The following SARM1 variants were observed in gnomAD, a reference collection of about 807,000 sequenced individuals.
The protein encoded by SARM1 is sterile alpha and TIR motif containing 1, also known as NAD(+) hydrolase SARM1.
SARM1 carries 60 observed loss-of-function variants against 65.1 expected under a neutral mutation model. The observed-to-expected ratio is 0.92, with a 90% CI of 0.75 to 1.14. The LOEUF (loss-of-function observed/expected upper bound fraction) is 1.14. SARM1 is among the 50% of genes most tolerant of loss of function. SARM1 has a pLI of 0.00. For synonymous variants in SARM1, 417 were observed against 465.4 expected, an observed-to-expected ratio of 0.90 and a Z score of 1.34; for missense variants, 913 against 1,015.7, an observed-to-expected ratio of 0.90 and a Z score of 1.37.
intron 1 of SARM1, chr17:28,373,644 A>T (rs573510586): frequency 6.6e-6 from 1 of 152,214 alleles, no homozygotes; most frequent in African/African-American, 2.4e-5. Context: ...ATGAATTTGG[A>T]GGGGGTAGCA....
chr17:28,379,557 G>T (rs782001281), intron 1 of SARM1, among the ~76,000 whole-genome samples: 2 of 151,998 alleles, frequency 1.3e-5, no homozygotes, highest in Non-Finnish European at 1.5e-5. Context: ...TCATCCACCC[G>T]CCTCGGCCTC....
intron 7 of SARM1, 77 bp from the exon 8 acceptor site, chr17:28,395,828 C>A: frequency 1.3e-6 from 2 of 1,574,690 alleles, no homozygotes; most frequent in Non-Finnish European, 8.7e-7. Flanking sequence ...GGCCAGTGGG[C>A]CTCCCAGCAC....
At chr17:28,379,895 G>C (rs2068012015) in intron 1 of SARM1, among the ~76,000 whole-genome samples, 1 of 152,182 alleles carries the variant, frequency 6.6e-6, no homozygotes, top group South Asian at 2.1e-4. Context: ...TAATGAGTTA[G>C]AGCATCTCTT....
intron 7 of SARM1, among the ~76,000 whole-genome samples, chr17:28,393,497 G>A (rs2068091354): frequency 6.6e-6 from 1 of 151,880 alleles, no homozygotes; most frequent in South Asian, 2.1e-4. Flanking sequence ...GCTGCAGTGA[G>A]CCTTGATGGT....
chr17:28,374,984 A>C (rs1187703890), intron 1 of SARM1, among the ~76,000 whole-genome samples: 4 of 151,662 alleles, frequency 2.6e-5, no homozygotes, highest in Admixed American at 6.6e-5. Flanking sequence ...AAAAAAAAAA[A>C]AAAAAAAAAA....
intron 7 of SARM1, among the ~76,000 whole-genome samples, chr17:28,394,532 GCCCAGGCC>G (rs1454115522): frequency 1.3e-5 from 2 of 152,172 alleles, no homozygotes; most frequent in Non-Finnish European, 1.5e-5. Flanking sequence ...CAGTCACGAG[GCCCAGGCC>G]CCCAGGCTGC....
At position 28,396,342 on chromosome 17, in the gene SARM1, AG is replaced by A; in HGVS notation, c.*58del. 6.2e-7 allele frequency: 1 copy of A among 1,604,714 alleles called. No individual in the cohort carries two copies. Among genetic ancestry groups the A allele is most frequent in the South Asian group, 1.1e-5 (1 of 90,586 alleles). On this transcript the variant is annotated 3_prime_UTR_variant, in exon 9 of 9. Transcript: ENST00000585482. ...CTTCCATTTCCATCGTCCTTTCTGAAGGAACAGCTCCTGAAACCAGTCTCCC... is the reference window on the plus strand; with the variant it reads ...CTTCCATTTCCATCGTCCTTTCTGAAGAACAGCTCCTGAAACCAGTCTCCC...
intron 1 of SARM1, among the ~76,000 whole-genome samples, chr17:28,379,583 T>C (rs2068010470): frequency 6.6e-6 from 1 of 152,212 alleles, no homozygotes; most frequent in South Asian, 2.1e-4. Context: ...GTGCTGGGAT[T>C]ACAGGCGTGA....
Position 28,372,600 on chromosome 17 carries a change from A to C in SARM1, c.470+98A>C. ...CTTGCGCCGTGCCTTTGCCTCCCTC[A>C]CCTCTCTGACTGCCTGCACTACATC... is the stretch of plus-strand genomic sequence containing the variant. On this transcript the variant is annotated intron_variant, in intron 1 of 8. Coordinates refer to ENST00000585482, the MANE Select transcript of SARM1 (RefSeq NM_015077.4). This position sits in a 1 kb window ranked among gnomAD's most constrained non-coding sequence, Gnocchi z 5.2. The C allele has an allele frequency of 1.2e-6, 1 of 851,930 alleles. No homozygotes were observed. The highest frequency in any genetic ancestry group is 1.7e-6 in the Non-Finnish European group (1 of 576,838). 52.8% of individuals were successfully genotyped at this position (851,930 alleles called of 1,614,324 possible).
chr17:28,385,256 C>A lies in SARM1; in HGVS notation c.1611C>A (p.Arg537=). 1 of 1,565,142 alleles carries A rather than the reference C, an allele frequency of 6.4e-7. No individual in the cohort carries two copies. The highest frequency in any genetic ancestry group is 8.6e-7 in the Non-Finnish European group (1 of 1,161,858). ...CGIHLGVHRA[R]ILTAAREMLH... ...TCCACCTGGGCGTGCACCGCGCCCG[C>A]ATCCTCACGGCGGCCAGAGGTCAGC... The change falls in exon 5 of 9, where the codon CGC becomes CGA. Residue 537 remains arginine, a synonymous_variant. Coordinates refer to ENST00000585482, the MANE Select transcript of SARM1 (RefSeq NM_015077.4). This position sits in a 1 kb window ranked among gnomAD's most constrained non-coding sequence, Gnocchi z 4.5.
rs868946115 is a variant in SARM1 at position 28,385,251 on chromosome 17, G to T, written c.1606G>T (p.Ala536Ser). 1 of 1,570,430 alleles carries T rather than the reference G, an allele frequency of 6.4e-7. No homozygotes were observed. ...CGGCATCCACCTGGGCGTGCACCGC[G>T]CCCGCATCCTCACGGCGGCCAGAGG... ...DCGIHLGVHR[A>S]RILTAAREML... Residue 536 changes from alanine (A) to serine (S), a missense_variant, in exon 5 of 9, where the codon GCC becomes TCC. This residue lies in a region of SARM1 where 862 missense variants were observed against 952.1 expected (regional missense o/e 0.91). Coordinates refer to ENST00000585482, the MANE Select transcript of SARM1 (RefSeq NM_015077.4). This position sits in a 1 kb window ranked among gnomAD's most constrained non-coding sequence, Gnocchi z 4.5.
chr17:28,385,033 G>C lies in SARM1; in HGVS notation c.1395-7G>C, dbSNP rs1555585792. The C allele has an allele frequency of 6.2e-7, 1 of 1,612,502 alleles. No homozygotes were observed. Among genetic ancestry groups the C allele is most frequent in the South Asian group, 1.1e-5 (1 of 90,982 alleles). On this transcript the variant is annotated splice_polypyrimidine_tract_variant and splice_region_variant and intron_variant, in intron 4 of 8. Transcript: ENST00000585482. The surrounding 1 kb of genome is among the most constrained non-coding windows in gnomAD (Gnocchi z 4.5). Reference sequence around the variant, plus strand: ...GACCTCAGCGTCTTCTCCTCCGTGGGGTGCAGGTTCTTTAGGGAGCTCACG... The same window carrying C: ...GACCTCAGCGTCTTCTCCTCCGTGGCGTGCAGGTTCTTTAGGGAGCTCACG...
rs201355325 is a variant in SARM1 at position 28,402,371 on chromosome 17, G to A, written c.*6085G>A. ...GGAAAATGGGGCTGGGGAGAGGGGC[G>A]TCCAAGGGAAAGGCAGCAGAGCTCC... On this transcript the variant is annotated 3_prime_UTR_variant, in exon 9 of 9. Transcript: ENST00000585482. 3.2e-5 allele frequency: 48 copies of A among 1,519,294 alleles called. 1 individual carries two copies. Among genetic ancestry groups the A allele is most frequent in the South Asian group, 1.5e-4 (13 of 85,968 alleles). The allele number at this position is 1,519,294 out of a possible 1,614,324, so 94.1% of individuals were successfully genotyped here. A position where few individuals can be genotyped will look rare whatever the true frequency, so the allele number is the denominator to read the frequency against.
Position 28,400,791 on chromosome 17 carries a change from C to G in SARM1, c.*4505C>G, listed in dbSNP as rs146288683. 1 of 1,550,660 alleles carries G rather than the reference C, an allele frequency of 6.4e-7. No individual in the cohort carries two copies. Among genetic ancestry groups the G allele is most frequent in the African/African-American group, 1.4e-5 (1 of 73,180 alleles). On this transcript the variant is annotated 3_prime_UTR_variant, in exon 9 of 9. Transcript: ENST00000585482. ...CCTGTGAAGAAATAAATACCATACT[C>G]TGGAGTCCGAAAGGGCCATATTCCA...
rs2068040179 is a variant in SARM1, at chr17:28,384,561, A to C, written c.1294A>C (p.Ser432Arg). The change falls in exon 3 of 9, where the codon AGC becomes CGC. Residue 432 changes from serine to arginine, a missense_variant. Physicochemically the swap from Ser to Arg is moderately radical, Grantham distance 110 (BLOSUM62 -1). Transcript: ENST00000585482. The surrounding 1 kb of genome is among the most constrained non-coding windows in gnomAD (Gnocchi z 4.4). ...QQIGFSKYCE[S>R]FREQQVDGDL... is the part of the protein sequence containing the mutation. ...GATCGGTTTCTCCAAGTACTGCGAGAGCTTCCGGGTAGAGTCGCGTGGGAT... is the reference window on the plus strand; with the variant it reads ...GATCGGTTTCTCCAAGTACTGCGAGCGCTTCCGGGTAGAGTCGCGTGGGAT... The C allele has an allele frequency of 6.2e-7, 1 of 1,605,148 alleles. No individual in the cohort carries two copies. The highest frequency in any genetic ancestry group is 8.5e-7 in the Non-Finnish European group (1 of 1,176,354).
chr17:28,397,573 C>G lies in SARM1; in HGVS notation c.*1287C>G, dbSNP rs2068142723. On this transcript the variant is annotated 3_prime_UTR_variant, in exon 9 of 9. Coordinates refer to ENST00000585482, the MANE Select transcript of SARM1 (RefSeq NM_015077.4). ...TGGCAGCCCCAGATCCAGACCTAGG[C>G]CTCCTGGCACCCAGTCCACTGGCAG... 6.6e-6 allele frequency: 1 copy of G among 152,234 alleles called. No homozygotes were observed. Among genetic ancestry groups the G allele is most frequent in the South Asian group, 2.1e-4 (1 of 4,832 alleles). 9.4% of individuals were successfully genotyped at this position (152,234 alleles called of 1,614,324 possible). A position where few individuals can be genotyped will look rare whatever the true frequency, so the allele number is the denominator to read the frequency against.
At position 28,398,212 on chromosome 17, in the gene SARM1, G is replaced by A; in HGVS notation, c.*1926G>A. The A allele has an allele frequency of 6.6e-6, 1 of 152,506 alleles. No individual in the cohort carries two copies. The highest frequency in any genetic ancestry group is 1.5e-5 in the Non-Finnish European group (1 of 68,190). 9.4% of individuals were successfully genotyped at this position (152,506 alleles called of 1,614,324 possible). A position where few individuals can be genotyped will look rare whatever the true frequency, so the allele number is the denominator to read the frequency against. ...TCTCCAATCAGTCCCACTCCCTCCT[G>A]AGGTCCCCAAGGGCAGTATTCAGAG... On this transcript the variant is annotated 3_prime_UTR_variant, in exon 9 of 9. Transcript: ENST00000585482.
Position 28,402,147 on chromosome 17 carries a change from C to T in SARM1, c.*5861C>T. ...TTCTCCAGGGTGAGAGGGGGGAAGG[C>T]AAGCTGTTCCCCCAGCCATGGCTGC... On this transcript the variant is annotated 3_prime_UTR_variant, in exon 9 of 9. Coordinates refer to ENST00000585482, the MANE Select transcript of SARM1 (RefSeq NM_015077.4). 9.0e-7 allele frequency: 1 copy of T among 1,115,224 alleles called. No homozygotes were observed. The highest frequency in any genetic ancestry group is 1.3e-6 in the Non-Finnish European group (1 of 781,970). The allele number at this position is 1,115,224 out of a possible 1,614,324, so 69.1% of individuals were successfully genotyped here.
In SARM1 at chr17:28,372,037, T is replaced by A; in HGVS notation, c.5T>A (p.Val2Asp). The change falls in exon 1 of 9, where the codon GTC becomes GAC. Residue 2 changes from valine to aspartate, a missense_variant. Physicochemically the swap from Val to Asp is radical, Grantham distance 152 (BLOSUM62 -3). Around this residue, in one of 3 missense-constraint regions of SARM1, gnomAD observed 39 missense variants for 32.0 expected, o/e 1.22. Coordinates refer to ENST00000585482, the MANE Select transcript of SARM1 (RefSeq NM_015077.4). The surrounding 1 kb of genome is among the most constrained non-coding windows in gnomAD (Gnocchi z 5.2). Reference protein sequence around the residue: MVLTLLLSAYKL... With the variant: MDLTLLLSAYKL... The stretch of plus-strand genomic sequence containing the variant: ...GTCCCCCGCGGCCCCGCGCCCATGG[T>A]CCTGACGCTGCTTCTCTCCGCCTAC... 1 of 1,506,260 alleles carries A rather than the reference T, an allele frequency of 6.6e-7. No individual in the cohort carries two copies. Among genetic ancestry groups the A allele is most frequent in the Non-Finnish European group, 8.8e-7 (1 of 1,134,180 alleles). 93.3% of individuals were successfully genotyped at this position (1,506,260 alleles called of 1,614,324 possible).
Sources: gnomAD v4.1 joint callset for allele counts (sites outside exome capture counted in the v4.1 genomes callset) on GRCh38, gnomAD v4.1.1 for gene constraint, gnomAD v4.1.1 regional missense constraint, Gnocchi (gnomAD v3.1) non-coding constraint, MANE v1.5 for transcripts, NCBI Gene and HGNC (gene_info 2026-07-23, HGNC 2026-07-21) for gene names.